Variants in RSF1 observed in about 807,000 individuals in gnomAD.
The protein encoded by RSF1 is HBV pX-associated protein 8.
A neutral mutation model predicts 145.2 loss-of-function variants in RSF1; 13 were observed. The observed-to-expected ratio is 0.09, with a 90% CI of 0.06 to 0.14. The LOEUF is 0.14. Among genes scored for constraint, RSF1 ranks in the 10% least tolerant of loss-of-function variants. The pLI, the probability that RSF1 is intolerant of heterozygous loss-of-function variation, is 1.00. For missense variants in RSF1, 1,517 were observed against 1,718.2 expected, an observed-to-expected ratio of 0.88 and a Z score of 2.07; for synonymous variants, 577 against 592.6, an observed-to-expected ratio of 0.97 and a Z score of 0.38.
chr11:77,732,847 G>A (rs1228017279), intron 4 of RSF1, among the ~76,000 whole-genome samples: 1 of 152,114 alleles, frequency 6.6e-6, no homozygotes, highest in African/African-American at 2.4e-5. Context: ...GCATGAAAAC[G>A]GACTAATACA....
upstream of RSF1, among the ~76,000 whole-genome samples, chr11:77,823,904 G>A (rs879032521): frequency 6.7e-6 from 1 of 149,782 alleles, no homozygotes; most frequent in Admixed American, 6.7e-5. Flanking sequence ...GTGAGGTTGT[G>A]AAATAACATT....
rs372523129 is a variant in RSF1, at chr11:77,685,094, C to G, written c.2955+11G>C. 2.7e-6 allele frequency: 4 copies of G among 1,499,536 alleles called. No individual in the cohort carries two copies. Among genetic ancestry groups the G allele is most frequent in the Non-Finnish European group, 3.6e-6 (4 of 1,108,986 alleles). The allele number at this position is 1,499,536 out of a possible 1,614,324, so 92.9% of individuals were successfully genotyped here. A position where few individuals can be genotyped will look rare whatever the true frequency, so the allele number is the denominator to read the frequency against. On this transcript the variant is annotated intron_variant, in intron 10 of 15. Coordinates refer to ENST00000308488, the MANE Select transcript of RSF1 (RefSeq NM_016578.4). ...TCTCCCATTTAAAAACATTACAAATCAGAAACTTACTTGTGGAGGAATGAT... is the reference window on the plus strand; with the variant it reads ...TCTCCCATTTAAAAACATTACAAATGAGAAACTTACTTGTGGAGGAATGAT...
At chr11:77,798,892 T>C (rs2135975159) in intron 1 of RSF1, among the ~76,000 whole-genome samples, 2 of 149,664 alleles carry the variant, frequency 1.3e-5, no homozygotes, top group South Asian at 4.2e-4. Flanking sequence ...AGGTGACGGG[T>C]TGATGGCACG....
intron 1 of RSF1, chr11:77,813,304 A>T: frequency 1.3e-6 from 1 of 769,168 alleles, no homozygotes; most frequent in Non-Finnish European, 2.3e-6. Context: ...TAATCAATTT[A>T]TTAAAATAGT....
chr11:77,821,029 C>G, upstream of RSF1: 19 of 207,976 alleles, frequency 9.1e-5, no homozygotes, highest in East Asian at 1.5e-4. Flanking sequence ...GGAAGCGGGG[C>G]GGGGAGGCGG....
chr11:77,694,121 T>A (rs1461934755), intron 7 of RSF1, among the ~76,000 whole-genome samples: 1 of 152,178 alleles, frequency 6.6e-6, no homozygotes, highest in African/African-American at 2.4e-5. Flanking sequence ...AAAGTTAAGC[T>A]ATAAAATTTA....
At chr11:77,831,379 A>G in the RSF1 span, among the ~76,000 whole-genome samples, 14 of 152,178 alleles carry the variant, frequency 9.2e-5, no homozygotes, top group African/African-American at 3.4e-4. Flanking sequence ...GTCCATGAAA[A>G]AATTTTTACA....
chr11:77,781,219 G>GC (rs965494310), intron 1 of RSF1, among the ~76,000 whole-genome samples: 1 of 151,980 alleles, frequency 6.6e-6, no homozygotes, highest in Non-Finnish European at 1.5e-5. Context: ...TCCTGCCTCA[G>GC]CCCCGAGTAC....
intron 5 of RSF1, among the ~76,000 whole-genome samples, chr11:77,724,114 A>C (rs541700467): frequency 1.3e-5 from 2 of 152,354 alleles, no homozygotes; most frequent in South Asian, 4.1e-4. Flanking sequence ...ACATTTTTCC[A>C]AAGAAGATAT....
Position 77,663,160 on chromosome 11 carries a change from T to C in RSF1, c.*3757A>G, listed in dbSNP as rs1959273311. ...AGCGGAGTTCCTAGCTTTTTCTGAA[T>C]ATTAAACTTGTAGATTCATTAGGTT... On this transcript the variant is annotated 3_prime_UTR_variant, in exon 16 of 16. Coordinates refer to ENST00000308488, the MANE Select transcript of RSF1 (RefSeq NM_016578.4). 1 of 152,172 alleles carries C rather than the reference T, an allele frequency of 6.6e-6. No homozygotes were observed. The highest frequency in any genetic ancestry group is 2.1e-4 in the South Asian group (1 of 4,832). The allele number at this position is 152,172 out of a possible 1,614,324, so 9.4% of individuals were successfully genotyped here. A position where few individuals can be genotyped will look rare whatever the true frequency, so the allele number is the denominator to read the frequency against.
chr11:77,743,932 A>C (rs1318327727), intron 3 of RSF1, among the ~76,000 whole-genome samples: 1 of 152,214 alleles, frequency 6.6e-6, no homozygotes, highest in Non-Finnish European at 1.5e-5. Flanking sequence ...AGCAAAGTTG[A>C]ATTTTCTCAA....
intron 1 of RSF1, among the ~76,000 whole-genome samples, chr11:77,817,194 T>C (rs966577772): frequency 6.6e-6 from 1 of 152,210 alleles, no homozygotes; most frequent in African/African-American, 2.4e-5. Context: ...ACTTATTAAG[T>C]AGTCAGTAGC....
chr11:77,753,642 C>CAAGGTAACTCCTCTTCTTCCAA (rs1948086689), intron 2 of RSF1, among the ~76,000 whole-genome samples: 1 of 152,178 alleles, frequency 6.6e-6, no homozygotes, highest in Non-Finnish European at 1.5e-5. Context: ...ATGTGTGCCC[C>CAAGGTAACTCCTCTTCTTCCAA]AAGGTAACTC....
At chr11:77,839,799 A>C in the RSF1 span, among the ~76,000 whole-genome samples, 1 of 152,054 alleles carries the variant, frequency 6.6e-6, no homozygotes, top group African/African-American at 2.4e-5. Flanking sequence ...GAGGGGAACA[A>C]CACACACTGG....
At position 77,691,402 on chromosome 11, in the gene RSF1, C is replaced by A. The variant is rs758329032; in HGVS notation, c.2821-164G>T. Among the ~76,000 whole-genome samples the A allele has an allele frequency of 2.0e-5, 3 of 152,148 alleles. No homozygotes were observed. Among genetic ancestry groups the A allele is most frequent in the Non-Finnish European group, 2.9e-5 (2 of 68,014 alleles). On this transcript the variant is annotated intron_variant, in intron 8 of 15. Coordinates refer to ENST00000308488, the MANE Select transcript of RSF1 (RefSeq NM_016578.4). Reference sequence around the variant, plus strand: ...TGTTTAATTAAACACACCTTTTGAACAGAAGATGAGCACAGTACCTTTGAA... The same window carrying A: ...TGTTTAATTAAACACACCTTTTGAAAAGAAGATGAGCACAGTACCTTTGAA...
intron 2 of RSF1, among the ~76,000 whole-genome samples, chr11:77,747,922 T>C (rs754175665): frequency 3.3e-5 from 5 of 152,116 alleles, no homozygotes; most frequent in Non-Finnish European, 1.5e-5. Context: ...CAAAAAATGA[T>C]ACAAAATGCC....
At chr11:77,674,881 C>T (rs1282628143) in intron 14 of RSF1, among the ~76,000 whole-genome samples, 155 bp downstream of exon 14, 1 of 152,178 alleles carries the variant, frequency 6.6e-6, no homozygotes, top group African/African-American at 2.4e-5. Context: ...TGCCTGTAAT[C>T]CCAGCTACTT....
intron 5 of RSF1, among the ~76,000 whole-genome samples, chr11:77,714,963 A>T (rs535214501): frequency 7.2e-5 from 11 of 151,790 alleles, no homozygotes; most frequent in African/African-American, 2.7e-4. Flanking sequence ...TACAAAAACA[A>T]TTTTTTTTTA....
intron 3 of RSF1, among the ~76,000 whole-genome samples, chr11:77,741,753 GTTA>G (rs751980090): frequency 1.3e-5 from 2 of 151,942 alleles, no homozygotes; most frequent in African/African-American, 2.4e-5. Context: ...ATTATATATT[GTTA>G]TTATCTATAG....
Sources: allele counts gnomAD v4.1 joint callset (sites outside exome capture counted in the v4.1 genomes callset), GRCh38; gene constraint gnomAD v4.1.1; transcripts MANE v1.5; gene names NCBI Gene and HGNC (gene_info 2026-07-23, HGNC 2026-07-21).